Variants in ANKDD1B observed in about 807,000 individuals in gnomAD.
The protein encoded by ANKDD1B is ankyrin repeat and death domain-containing protein 1B.
Under a neutral mutation model 59.7 loss-of-function variants are expected in ANKDD1B, and 57 were observed. That is an observed-to-expected ratio of 0.95 (90% CI 0.77 to 1.19). ANKDD1B has a LOEUF of 1.19. Ranked by LOEUF, ANKDD1B falls within the 50% of genes most tolerant of loss-of-function variation. The pLI, the probability that ANKDD1B is intolerant of heterozygous loss-of-function variation, is 0.00. For missense variants in ANKDD1B, 602 were observed against 641.9 expected (o/e 0.94, Z 0.67); for synonymous variants, 216 against 239.5 (o/e 0.90, Z 0.91).
chr5:75,644,923 T>G (rs889960481), intron 7 of ANKDD1B, among the ~76,000 whole-genome samples: 3 of 117,296 alleles, frequency 2.6e-5, no homozygotes, highest in Admixed American at 2.4e-4. Flanking sequence ...GCAATCAAAC[T>G]AGAACTCAGG....
At chr5:75,637,706 GATAACTCAGTTA>G (rs1774355369) in intron 7 of ANKDD1B, among the ~76,000 whole-genome samples, 1 of 152,146 alleles carries the variant, frequency 6.6e-6, no homozygotes, top group Admixed American at 6.5e-5. Flanking sequence ...AAATAAGCAA[GATAACTCAGTTA>G]ATTGTTTCTA....
At position 75,650,035 on chromosome 5, in the gene ANKDD1B, T is replaced by C. The variant is rs141551321; in HGVS notation, c.799-3107T>C. 7.6e-3 allele frequency among the ~76,000 whole-genome samples: 1,156 copies of C among 152,344 alleles called. 18 individuals carry two copies. The highest frequency in any genetic ancestry group is 0.026 in the African/African-American group (1,085 of 41,572). ...AATAGTTACGGTTACCATACACATT[T>C]ACTGGCTCACGTATCCTCCCAGTAG... On this transcript the variant is annotated intron_variant, in intron 7 of 13. Coordinates refer to ENST00000601380, the MANE Select transcript of ANKDD1B (RefSeq NM_001276713.2).
intron 2 of ANKDD1B, among the ~76,000 whole-genome samples, chr5:75,618,474 ACTC>A (rs1207034559): frequency 2.6e-5 from 4 of 152,214 alleles, no homozygotes; most frequent in African/African-American, 7.2e-5. Context: ...GTTATTATAA[ACTC>A]CTAATGAATT....
intron 7 of ANKDD1B, among the ~76,000 whole-genome samples, chr5:75,644,884 T>C (rs1048517606): frequency 1.4e-4 from 13 of 94,356 alleles, no homozygotes; most frequent in Non-Finnish European, 2.0e-4. Flanking sequence ...AGAACAGAAA[T>C]TATAACAAAC....
chr5:75,665,616 A>G (rs1775285415), intron 11 of ANKDD1B, among the ~76,000 whole-genome samples: 1 of 152,200 alleles, frequency 6.6e-6, no homozygotes, highest in Admixed American at 6.5e-5. Context: ...AATTATGGGT[A>G]ATTCACACCT....
chr5:75,650,691 C>T (rs373385897), intron 7 of ANKDD1B, among the ~76,000 whole-genome samples: 1 of 152,200 alleles, frequency 6.6e-6, no homozygotes, highest in East Asian at 1.9e-4. Context: ...AGCTAGATTT[C>T]AGTTGGTCAG....
At chr5:75,618,343 C>G (rs188709955) in intron 2 of ANKDD1B, among the ~76,000 whole-genome samples, 1 of 152,128 alleles carries the variant, frequency 6.6e-6, no homozygotes, top group African/African-American at 2.4e-5. Context: ...CTCTAGTATA[C>G]TATTCAAAAC....
At chr5:75,616,384 T>C (rs1773716422) in intron 1 of ANKDD1B, among the ~76,000 whole-genome samples, 1 of 152,206 alleles carries the variant, frequency 6.6e-6, no homozygotes, top group Non-Finnish European at 1.5e-5. Flanking sequence ...AGGCCTGGCC[T>C]CGGTATAGAG....
intron 9 of ANKDD1B, among the ~76,000 whole-genome samples, chr5:75,657,899 G>GAA (rs772314604): frequency 9.3e-5 from 10 of 108,102 alleles, no homozygotes; most frequent in East Asian, 2.6e-4. Context: ...TCCATCTCAA[G>GAA]AAAAAAAAAA....
chr5:75,632,829 G>A (rs1774202361), intron 5 of ANKDD1B, among the ~76,000 whole-genome samples: 3 of 152,068 alleles, frequency 2.0e-5, no homozygotes, highest in Non-Finnish European at 4.4e-5. Flanking sequence ...CTCTCCTTTT[G>A]GACTCTGAGC....
At position 75,653,163 on chromosome 5, in the gene ANKDD1B, A is replaced by G; in HGVS notation, c.820A>G (p.Ile274Val). Residue 274 changes from isoleucine to valine, a missense_variant, in exon 8 of 14, where the codon ATA (isoleucine) becomes GTA (valine). This residue lies in a region of ANKDD1B where 280 missense variants were observed against 319.8 expected (regional missense o/e 0.88). Coordinates refer to ENST00000601380, the MANE Select transcript of ANKDD1B (RefSeq NM_001276713.2). Reference sequence around the variant, plus strand: ...GCAGCTCAATATCAGTAGTTTGCAGATAGCAACCAGGAACGGCCATGCATC... The same window carrying G: ...GCAGCTCAATATCAGTAGTTTGCAGGTAGCAACCAGGAACGGCCATGCATC... ...MNELNISSLQ[I>V]ATRNGHASLV... 1 of 1,536,030 alleles carries G rather than the reference A, an allele frequency of 6.5e-7. No individual in the cohort carries two copies. The highest frequency in any genetic ancestry group is 8.7e-7 in the Non-Finnish European group (1 of 1,146,830).
At chr5:75,629,610 C>CAAA (rs10629729) in intron 5 of ANKDD1B, among the ~76,000 whole-genome samples, 25 of 146,242 alleles carry the variant, frequency 1.7e-4, no homozygotes, top group African/African-American at 6.2e-4. Flanking sequence ...ACTTAACATG[C>CAAA]AAAAAAAAAA....
At chr5:75,637,726 C>A (rs914255141) in intron 7 of ANKDD1B, among the ~76,000 whole-genome samples, 1 of 152,154 alleles carries the variant, frequency 6.6e-6, no homozygotes, top group African/African-American at 2.4e-5. Flanking sequence ...TTAATTGTTT[C>A]TAAATTTCAT....
At chr5:75,626,970 T>C (rs772820004) in intron 5 of ANKDD1B, among the ~76,000 whole-genome samples, 1 of 152,152 alleles carries the variant, frequency 6.6e-6, no homozygotes, top group Non-Finnish European at 1.5e-5. Flanking sequence ...ATTTCACCTG[T>C]TTTTAAAAAT....
rs1361365622 is a variant in ANKDD1B at position 75,644,747 on chromosome 5, C to T, written c.799-8395C>T. ...TGAACTCAGCTCTGCACCAAGCGGA[C>T]CTAATAGACATCTACAGAACTCTCC... On this transcript the variant is annotated intron_variant, in intron 7 of 13. Coordinates refer to ENST00000601380, the MANE Select transcript of ANKDD1B (RefSeq NM_001276713.2). Among the ~76,000 whole-genome samples, 2 of 71,136 alleles carry T rather than the reference C, an allele frequency of 2.8e-5. 1 individual carries two copies. Among genetic ancestry groups the T allele is most frequent in the African/African-American group, 2.8e-4 (2 of 7,206 alleles). 46.7% of individuals were successfully genotyped at this position (71,136 alleles called of 152,430 possible).
At chr5:75,638,154 T>C (rs1740169117) in intron 7 of ANKDD1B, among the ~76,000 whole-genome samples, 1 of 152,214 alleles carries the variant, frequency 6.6e-6, no homozygotes, top group Non-Finnish European at 1.5e-5. Context: ...TAGTTATTTA[T>C]AGTCTTAGCT....
chr5:75,617,217 G>A (rs150709868), intron 2 of ANKDD1B, among the ~76,000 whole-genome samples: 29 of 152,212 alleles, frequency 1.9e-4, no homozygotes, highest in Non-Finnish European at 2.9e-4. Context: ...CTGGATTGTC[G>A]CCTGTGGATC....
chr5:75,619,558 T>C (rs914880509), intron 2 of ANKDD1B, among the ~76,000 whole-genome samples: 2 of 152,234 alleles, frequency 1.3e-5, no homozygotes, highest in African/African-American at 2.4e-5. Context: ...TTCTCATTTT[T>C]TTATTATTTA....
intron 5 of ANKDD1B, 182 bp from the exon 6 acceptor site, chr5:75,634,716 A>G (rs1295621819): frequency 3.8e-6 from 2 of 533,236 alleles, no homozygotes; most frequent in Non-Finnish European, 6.8e-6. Flanking sequence ...GGAGTCTCCC[A>G]CAGTTTTGAG....
Sources: gnomAD v4.1 joint callset for allele counts (sites outside exome capture counted in the v4.1 genomes callset) on GRCh38, gnomAD v4.1.1 for gene constraint, gnomAD v4.1.1 regional missense constraint, MANE v1.5 for transcripts, NCBI Gene and HGNC (gene_info 2026-07-23, HGNC 2026-07-21) for gene names.